Variants in CCDC175 observed in about 807,000 individuals in gnomAD.
CCDC175 encodes the protein coiled-coil domain containing 175, also known as coiled-coil domain-containing protein 175.
Under a neutral mutation model 114.6 loss-of-function variants are expected in CCDC175, and 100 were observed. The observed-to-expected ratio is 0.87, with a 90% CI of 0.74 to 1.03. The LOEUF (loss-of-function observed/expected upper bound fraction) is 1.03. Among genes scored for constraint, CCDC175 ranks in the 50% least tolerant of loss-of-function variants. The pLI is 0.00. For missense variants in CCDC175, 880 were observed against 917.8 expected, an observed-to-expected ratio of 0.96 and a Z score of 0.53; for synonymous variants, 306 against 308.7, an observed-to-expected ratio of 0.99 and a Z score of 0.09.
intron 7 of CCDC175, among the ~76,000 whole-genome samples, chr14:59,552,231 C>A (rs539917231): frequency 6.6e-6 from 1 of 152,220 alleles, no homozygotes; most frequent in Non-Finnish European, 1.5e-5. Context: ...TAGGGGCAGA[C>A]TGACACGTCA....
chr14:59,546,935 C>A (rs1895145132), intron 8 of CCDC175, among the ~76,000 whole-genome samples: 1 of 151,984 alleles, frequency 6.6e-6, no homozygotes, highest in East Asian at 1.9e-4. Flanking sequence ...TACTGTAAAA[C>A]AAAGCAATCA....
intron 14 of CCDC175, among the ~76,000 whole-genome samples, chr14:59,530,063 G>A (rs1342708423): frequency 6.6e-6 from 1 of 152,054 alleles, no homozygotes; most frequent in South Asian, 2.1e-4. Context: ...AGGAAGAATG[G>A]CTGGGAAAGT....
chr14:59,563,083 TAAG>T (rs1032145994), intron 6 of CCDC175, among the ~76,000 whole-genome samples: 3 of 152,210 alleles, frequency 2.0e-5, no homozygotes, highest in African/African-American at 4.8e-5. Context: ...TTAATTGTGA[TAAG>T]AAGTTAACAG....
chr14:59,512,477 A>T (rs1369506325), intron 17 of CCDC175, among the ~76,000 whole-genome samples: 1 of 152,196 alleles, frequency 6.6e-6, no homozygotes, highest in Non-Finnish European at 1.5e-5. Flanking sequence ...AATTAAGTGC[A>T]TCCCTGAGAA....
chr14:59,564,975 T>C (rs1896437365), intron 5 of CCDC175, 72 bp downstream of exon 5: 2 of 1,180,354 alleles, frequency 1.7e-6, no homozygotes, highest in Non-Finnish European at 1.2e-6. Context: ...TGAGGACAAA[T>C]AAATTATTTC....
intron 14 of CCDC175, among the ~76,000 whole-genome samples, chr14:59,528,216 G>GATTCTGATT (rs1481500300): frequency 6.6e-6 from 1 of 151,994 alleles, no homozygotes; most frequent in South Asian, 2.1e-4. Context: ...AGTTTGAAAT[G>GATTCTGATT]ATTCTGATTT....
intron 8 of CCDC175, among the ~76,000 whole-genome samples, chr14:59,549,967 G>A (rs1335921601): frequency 1.3e-5 from 2 of 152,012 alleles, no homozygotes; most frequent in Non-Finnish European, 2.9e-5. Flanking sequence ...CTGGAGTGCA[G>A]TGGTGCGATC....
intron 18 of CCDC175, 81 bp downstream of exon 18, chr14:59,511,679 A>G (rs1045364019): frequency 2.7e-5 from 32 of 1,182,470 alleles, no homozygotes; most frequent in Non-Finnish European, 3.6e-5. Context: ...CAGACACAAA[A>G]GCACACACAC....
chr14:59,571,854 A>G (rs1290686420), intron 3 of CCDC175, among the ~76,000 whole-genome samples: 1 of 152,336 alleles, frequency 6.6e-6, no homozygotes, highest in Non-Finnish European at 1.5e-5. Context: ...ACTTGGATAC[A>G]GGTGGAGTAT....
At chr14:59,523,718 G>T (rs888795119) in intron 16 of CCDC175, among the ~76,000 whole-genome samples, 1 of 152,126 alleles carries the variant, frequency 6.6e-6, no homozygotes, top group Non-Finnish European at 1.5e-5. Context: ...AGCCGGGCGC[G>T]GTGGCTCAAG....
chr14:59,553,317 C>G (rs1032526946), intron 7 of CCDC175, among the ~76,000 whole-genome samples: 7 of 152,202 alleles, frequency 4.6e-5, no homozygotes, highest in African/African-American at 1.4e-4. Flanking sequence ...ATTCAACATT[C>G]TTAAAGGAAA....
intron 19 of CCDC175, among the ~76,000 whole-genome samples, chr14:59,509,391 C>T (rs1892626826): frequency 6.6e-6 from 1 of 152,214 alleles, no homozygotes; most frequent in African/African-American, 2.4e-5. Flanking sequence ...GACTTTGCAG[C>T]TAAGAGGGTT....
intron 17 of CCDC175, among the ~76,000 whole-genome samples, chr14:59,514,197 A>G (rs1489728191): frequency 1.3e-5 from 2 of 152,216 alleles, no homozygotes; most frequent in East Asian, 3.8e-4. Flanking sequence ...AAAGGTAGAT[A>G]AAACCACAAA....
intron 8 of CCDC175, among the ~76,000 whole-genome samples, chr14:59,546,179 C>A (rs191781869): frequency 2.8e-4 from 43 of 152,210 alleles, no homozygotes; most frequent in Non-Finnish European, 1.2e-4. Flanking sequence ...CATGGGTGCA[C>A]CTAGAGGCCA....
intron 6 of CCDC175, among the ~76,000 whole-genome samples, chr14:59,562,148 C>T (rs555393755): frequency 4.0e-4 from 61 of 152,360 alleles, no homozygotes; most frequent in African/African-American, 1.4e-3. Context: ...TCTGATCAAT[C>T]ATCAGAATTA....
At chr14:59,526,714 C>G (rs906656471) in intron 15 of CCDC175, among the ~76,000 whole-genome samples, 5 of 152,262 alleles carry the variant, frequency 3.3e-5, no homozygotes, top group African/African-American at 1.2e-4. Context: ...TTCATCCACT[C>G]CCCCACTGCA....
chr14:59,559,088 G>A (rs541001351), intron 7 of CCDC175, among the ~76,000 whole-genome samples: 1 of 152,242 alleles, frequency 6.6e-6, no homozygotes, highest in African/African-American at 2.4e-5. Flanking sequence ...ATTAGTAACC[G>A]TGGCAATTCT....
intron 7 of CCDC175, among the ~76,000 whole-genome samples, chr14:59,552,834 G>A (rs1895612013): frequency 6.6e-6 from 1 of 151,942 alleles, no homozygotes; most frequent in Non-Finnish European, 1.5e-5. Flanking sequence ...AGCTTCAGTA[G>A]CTGATTTCAT....
intron 12 of CCDC175, 35 bp downstream of exon 12, chr14:59,538,670 A>T: frequency 6.7e-7 from 1 of 1,488,850 alleles, no homozygotes. Flanking sequence ...TATGCAATGT[A>T]GGGGACTAAT....
Sources: allele counts gnomAD v4.1 joint callset (sites outside exome capture counted in the v4.1 genomes callset), GRCh38; gene constraint gnomAD v4.1.1; transcripts MANE v1.5; gene names NCBI Gene and HGNC (gene_info 2026-07-23, HGNC 2026-07-21).